The following FHIT variants were observed in gnomAD, a reference collection of about 807,000 sequenced individuals.
The protein encoded by FHIT is fragile histidine triad diadenosine triphosphatase, also known as bis(5'-adenosyl)-triphosphatase.
In FHIT, 19 loss-of-function variants were observed where a neutral mutation model predicts 17.9. The ratio of observed to expected loss-of-function variants is 1.06; its 90% confidence interval spans 0.74 to 1.56. The LOEUF (loss-of-function observed/expected upper bound fraction) is 1.56, where lower values mean the gene tolerates loss of function less well. Ranked by LOEUF, FHIT falls within the 40% of genes most tolerant of loss-of-function variation. The pLI is 0.00. For missense variants in FHIT, 248 were observed against 189.2 expected, an observed-to-expected ratio of 1.31 and a Z score of -1.82; for synonymous variants, 81 against 69.7, an observed-to-expected ratio of 1.16 and a Z score of -0.81.
At chr3:60,456,589 G>GCAC (rs1395324579) in intron 5 of FHIT, among the ~76,000 whole-genome samples, 3 of 152,100 alleles carry the variant, frequency 2.0e-5, no homozygotes, top group South Asian at 4.1e-4. Context: ...AGCAGCAGCA[G>GCAC]AGAATCTTTT....
At chr3:59,826,596 CAA>C (rs902443245) in intron 8 of FHIT, among the ~76,000 whole-genome samples, 38 of 152,212 alleles carry the variant, frequency 2.5e-4, no homozygotes. Context: ...ATTCAATACT[CAA>C]GAGTGTTTCT....
intron 3 of FHIT, among the ~76,000 whole-genome samples, chr3:61,040,219 A>T (rs1227242476): frequency 1.3e-5 from 2 of 152,234 alleles, no homozygotes; most frequent in African/African-American, 4.8e-5. Context: ...ACATTTGCTG[A>T]ATCACAATAA....
At chr3:60,544,739 G>T (rs368108977) in intron 4 of FHIT, among the ~76,000 whole-genome samples, 8 of 151,732 alleles carry the variant, frequency 5.3e-5, no homozygotes. Flanking sequence ...TGGGATTGCA[G>T]GCACCCACCA....
intron 5 of FHIT, among the ~76,000 whole-genome samples, chr3:60,116,577 A>G (rs995389926): frequency 5.9e-5 from 9 of 152,186 alleles, no homozygotes; most frequent in Admixed American, 5.9e-4. Flanking sequence ...GAATCCCCTC[A>G]TTCATTACAA....
At chr3:60,665,113 G>A (rs967322244) in intron 4 of FHIT, among the ~76,000 whole-genome samples, 1 of 151,846 alleles carries the variant, frequency 6.6e-6, no homozygotes, top group Non-Finnish European at 1.5e-5. Flanking sequence ...AAATTTTCAT[G>A]TTTTAGAGAT....
chr3:60,077,725 C>CATAT (rs1703085487), intron 5 of FHIT, among the ~76,000 whole-genome samples: 2 of 91,980 alleles, frequency 2.2e-5, no homozygotes, highest in African/African-American at 1.1e-4. Context: ...CACACACACA[C>CATAT]ACACATATAT....
rs79683448 is a variant in FHIT, at chr3:60,426,999, C to T, written c.103+109861G>A. On this transcript the variant is annotated intron_variant, in intron 5 of 9. Transcript: ENST00000492590. ...ATACAACAAAGGTAAGGGGATTTCTCGGATGTAATTAGGATGCCAAAATCA... is the reference window on the plus strand; with the variant it reads ...ATACAACAAAGGTAAGGGGATTTCTTGGATGTAATTAGGATGCCAAAATCA... 1.4e-4 allele frequency among the ~76,000 whole-genome samples: 21 copies of T among 152,074 alleles called. 1 individual carries two copies. In the East Asian group the frequency reaches 4.1e-3, roughly 30 times the overall value.
intron 3 of FHIT, among the ~76,000 whole-genome samples, chr3:60,961,907 T>C (rs1400940852): frequency 6.6e-6 from 1 of 152,228 alleles, no homozygotes; most frequent in Non-Finnish European, 1.5e-5. Context: ...GACTTGGCAA[T>C]GTGGGCTCTT....
intron 5 of FHIT, among the ~76,000 whole-genome samples, chr3:60,241,674 TACTGTTTCTGCGG>T (rs978193376): frequency 6.6e-6 from 1 of 152,082 alleles, no homozygotes; most frequent in African/African-American, 2.4e-5. Flanking sequence ...GAGTTAAATA[TACTGTTTCTGCGG>T]ACCCATTCCC....
intron 8 of FHIT, among the ~76,000 whole-genome samples, chr3:59,870,874 C>CGT (rs56278897): frequency 1.6e-3 from 232 of 149,486 alleles, no homozygotes; most frequent in Middle Eastern, 0.011. Context: ...TGTGTGTGTG[C>CGT]GTGTGTGTGT....
At chr3:60,293,356 G>A (rs969594575) in intron 5 of FHIT, among the ~76,000 whole-genome samples, 13 of 151,968 alleles carry the variant, frequency 8.6e-5, no homozygotes, top group African/African-American at 2.4e-4. Flanking sequence ...GAATTTATAC[G>A]CTAGAAAATA....
rs115236013 is a variant in FHIT at position 60,346,243 on chromosome 3, C to T, written c.103+190617G>A. On this transcript the variant is annotated intron_variant, in intron 5 of 9. Coordinates refer to ENST00000492590, the MANE Select transcript of FHIT (RefSeq NM_002012.4). ...TTACAGCATTGGAAACCTAGAAATT[C>T]TACCAGCTTAGCCAGCTTTTGCTAC... Among the ~76,000 whole-genome samples the T allele has an allele frequency of 8.4e-3, 1,285 of 152,298 alleles. 5 individuals carry two copies. The highest frequency in any genetic ancestry group is 0.017 in the Middle Eastern group (5 of 294).
intron 3 of FHIT, among the ~76,000 whole-genome samples, chr3:60,884,857 T>C (rs1705143524): frequency 6.9e-6 from 1 of 144,850 alleles, no homozygotes; most frequent in South Asian, 2.1e-4. Context: ...GAGGGCCGTG[T>C]CTGTGCCATT....
At position 59,843,905 on chromosome 3, in the gene FHIT, A is replaced by T. The variant is rs546807123; in HGVS notation, c.348+78441T>A. ...AATGTTGGAGATGAGTCCTAGTGGG[A>T]GGTGACTGGGTCATGGAAGCAGAAC... On this transcript the variant is annotated intron_variant, in intron 8 of 9. Transcript: ENST00000492590. 2.6e-5 allele frequency among the ~76,000 whole-genome samples: 4 copies of T among 152,146 alleles called. No individual in the cohort carries two copies. In the East Asian group the frequency reaches 7.7e-4, roughly 29 times the overall value.
intron 3 of FHIT, among the ~76,000 whole-genome samples, chr3:60,990,882 A>G (rs774492817): frequency 6.6e-6 from 1 of 152,238 alleles, no homozygotes; most frequent in Non-Finnish European, 1.5e-5. Context: ...AGACCTTTGA[A>G]AACATACATT....
chr3:60,950,038 CT>C (rs1196614742), intron 3 of FHIT, among the ~76,000 whole-genome samples: 1 of 152,148 alleles, frequency 6.6e-6, no homozygotes, highest in East Asian at 1.9e-4. Flanking sequence ...ATTCCTACTG[CT>C]TAGTGACGTT....
At chr3:61,153,526 C>T (rs2037454391) in intron 2 of FHIT, among the ~76,000 whole-genome samples, 1 of 152,124 alleles carries the variant, frequency 6.6e-6, no homozygotes, top group Non-Finnish European at 1.5e-5. Flanking sequence ...ATGTCTTGGG[C>T]TTTATTCACT....
At chr3:60,093,007 T>A (rs951148068) in intron 5 of FHIT, among the ~76,000 whole-genome samples, 1 of 152,174 alleles carries the variant, frequency 6.6e-6, no homozygotes, top group African/African-American at 2.4e-5. Context: ...TCAAACACCA[T>A]GAACTTCGAC....
chr3:61,149,321 C>G (rs1345747492), intron 2 of FHIT, among the ~76,000 whole-genome samples: 1 of 151,872 alleles, frequency 6.6e-6, no homozygotes, highest in Non-Finnish European at 1.5e-5. Flanking sequence ...AGGATCATGC[C>G]TAGGGTGACT....
Sources: gnomAD v4.1 joint callset for allele counts (sites outside exome capture counted in the v4.1 genomes callset) on GRCh38, gnomAD v4.1.1 for gene constraint, MANE v1.5 for transcripts, NCBI Gene and HGNC (gene_info 2026-07-23, HGNC 2026-07-21) for gene names.